SLC14A2: variants seen among roughly 807,000 people sequenced by gnomAD.
SLC14A2 encodes the protein urea transporter 2.
SLC14A2 carries 91 observed loss-of-function variants against 104.6 expected under a neutral mutation model. The ratio of observed to expected loss-of-function variants is 0.87; its 90% CI spans 0.73 to 1.04. The LOEUF is 1.04. Ranked by LOEUF, SLC14A2 falls within the 50% of genes least tolerant of loss-of-function variation. SLC14A2 has a pLI of 0.00. For synonymous variants in SLC14A2, 476 were observed against 466.4 expected (o/e 1.02, Z -0.27); for missense variants, 1,189 against 1,156.0 (o/e 1.03, Z -0.41).
chr18:45,369,896 T>C (rs781380147), intron 1 of SLC14A2, among the ~76,000 whole-genome samples: 6 of 152,172 alleles, frequency 3.9e-5, no homozygotes, highest in African/African-American at 1.4e-4. Context: ...TACTGTGTTA[T>C]AGCTGTTTCC....
chr18:45,455,996 G>A (rs1962095618), intron 1 of SLC14A2, among the ~76,000 whole-genome samples: 1 of 152,168 alleles, frequency 6.6e-6, no homozygotes, highest in African/African-American at 2.4e-5. Context: ...GGTGCTGGGA[G>A]TTAGTTCTAG....
chr18:45,566,496 T>G (rs1450976430), intron 2 of SLC14A2, among the ~76,000 whole-genome samples: 1 of 136,432 alleles, frequency 7.3e-6, no homozygotes, highest in Non-Finnish European at 1.6e-5. Flanking sequence ...TCGACATGCA[T>G]GTACATGCGC....
At chr18:45,185,945 C>T in the SLC14A2 span, among the ~76,000 whole-genome samples, 2 of 152,064 alleles carry the variant, frequency 1.3e-5, no homozygotes, top group Admixed American at 1.3e-4. Context: ...ACAAAGAAAA[C>T]CACAGAATAT....
intron 10 of SLC14A2, among the ~76,000 whole-genome samples, chr18:45,650,729 T>A (rs970050852): frequency 1.6e-5 from 2 of 122,294 alleles, no homozygotes; most frequent in African/African-American, 7.1e-5. Flanking sequence ...GTGTTTTGGG[T>A]TTTTTTGTCT....
intron 1 of SLC14A2, chr18:45,436,553 A>G (rs1381181425): frequency 6.6e-6 from 1 of 152,124 alleles, no homozygotes; most frequent in Non-Finnish European, 1.5e-5. Context: ...CTCTCCCTAC[A>G]ATTTTTTTCT....
At chr18:45,240,091 C>CTTTTTTTTT (rs763802776) in intron 1 of SLC14A2, among the ~76,000 whole-genome samples, 1 of 89,638 alleles carries the variant, frequency 1.1e-5, no homozygotes, top group African/African-American at 5.0e-5. Context: ...GCAAATATCT[C>CTTTTTTTTT]TTTTTTTTTT....
rs945609104 is a variant in SLC14A2 at position 45,391,708 on chromosome 18, G to T, written c.-124-91525G>T. 3.3e-5 allele frequency among the ~76,000 whole-genome samples: 5 copies of T among 152,230 alleles called. 1 individual carries two copies. The Middle Eastern group carries it at 0.014, about 414-fold the overall frequency. ...TGAGCATTTTTTCATGTGTCTTTTG[G>T]CTGTATAAATGTCTTCTTTTGAGAA... On this transcript the variant is annotated intron_variant, in intron 1 of 20. Transcript: ENST00000586448.
At chr18:45,203,159 T>C in the SLC14A2 span, among the ~76,000 whole-genome samples, 1 of 152,116 alleles carries the variant, frequency 6.6e-6, no homozygotes, top group Non-Finnish European at 1.5e-5. Flanking sequence ...TCTCCTGAAA[T>C]GACAGACCCA....
At chr18:45,530,836 C>T (rs1181325138) in intron 2 of SLC14A2, among the ~76,000 whole-genome samples, 1 of 152,054 alleles carries the variant, frequency 6.6e-6, no homozygotes, top group Non-Finnish European at 1.5e-5. Context: ...TCTCCTAATG[C>T]TATCCCTCCC....
At chr18:45,640,996 T>G (rs1248271871) in intron 7 of SLC14A2, among the ~76,000 whole-genome samples, 1 of 152,218 alleles carries the variant, frequency 6.6e-6, no homozygotes, top group East Asian at 1.9e-4. Context: ...GTGAAGCCTG[T>G]GGCTTTGACA....
intron 2 of SLC14A2, among the ~76,000 whole-genome samples, chr18:45,492,311 T>G (rs575675166): frequency 6.6e-6 from 1 of 152,348 alleles, no homozygotes; most frequent in East Asian, 1.9e-4. Flanking sequence ...AAAGACATAC[T>G]TGAGACTGCG....
intron 1 of SLC14A2, among the ~76,000 whole-genome samples, chr18:45,457,123 A>T (rs2086957287): frequency 6.6e-6 from 1 of 152,214 alleles, no homozygotes; most frequent in South Asian, 2.1e-4. Context: ...AAGTTATAAC[A>T]AAGCACATTT....
intron 5 of SLC14A2, among the ~76,000 whole-genome samples, chr18:45,636,692 T>G (rs2045421559): frequency 6.6e-6 from 1 of 152,234 alleles, no homozygotes; most frequent in Non-Finnish European, 1.5e-5. Context: ...TTTCCACTAT[T>G]TTATAAAGTG....
chr18:45,327,780 A>G (rs919696983), intron 1 of SLC14A2, among the ~76,000 whole-genome samples: 2 of 152,158 alleles, frequency 1.3e-5, no homozygotes, highest in African/African-American at 2.4e-5. Context: ...TAGGCCAGGC[A>G]CTTTTATTAT....
the SLC14A2 span, among the ~76,000 whole-genome samples, chr18:45,191,150 G>C: frequency 2.6e-5 from 4 of 152,014 alleles, no homozygotes; most frequent in African/African-American, 9.7e-5. Context: ...TTCTATACTA[G>C]ATTCTGACCC....
chr18:45,460,504 C>G (rs1000157555), intron 1 of SLC14A2, among the ~76,000 whole-genome samples: 1 of 152,160 alleles, frequency 6.6e-6, no homozygotes, highest in African/African-American at 2.4e-5. Context: ...TGTGAAACTC[C>G]CAACTTATGG....
At chr18:45,345,064 T>C (rs543422558) in intron 1 of SLC14A2, among the ~76,000 whole-genome samples, 1 of 152,286 alleles carries the variant, frequency 6.6e-6, no homozygotes, top group Non-Finnish European at 1.5e-5. Context: ...CAGTGTGTAA[T>C]GGAGTTTCAC....
chr18:45,650,311 GT>G (rs2045710383), intron 10 of SLC14A2, among the ~76,000 whole-genome samples: 1 of 152,072 alleles, frequency 6.6e-6, no homozygotes, highest in African/African-American at 2.4e-5. Flanking sequence ...GAAGATCCAT[GT>G]GTGTTTATGA....
chr18:45,284,973 G>C (rs1466685949), intron 1 of SLC14A2, among the ~76,000 whole-genome samples: 1 of 151,924 alleles, frequency 6.6e-6, no homozygotes, highest in Non-Finnish European at 1.5e-5. Context: ...GGATAGAAAG[G>C]CTCTTTTTTA....
Sources: gnomAD v4.1 joint callset for allele counts (sites outside exome capture counted in the v4.1 genomes callset) on GRCh38, gnomAD v4.1.1 for gene constraint, MANE v1.5 for transcripts, NCBI Gene and HGNC (gene_info 2026-07-23, HGNC 2026-07-21) for gene names.